The following ZNF638 variants were observed in gnomAD, a reference collection of about 807,000 sequenced individuals.
ZNF638 encodes the protein CTCL tumor antigen se33-1.
In ZNF638, 46 loss-of-function variants were observed where a neutral mutation model predicts 195.6. The observed-to-expected ratio is 0.24, with a 90% CI of 0.19 to 0.30. The LOEUF (loss-of-function observed/expected upper bound fraction) is 0.30. Among genes scored for constraint, ZNF638 ranks in the 10% least tolerant of loss-of-function variants. The pLI is 1.00. For missense variants in ZNF638, 2,440 were observed against 2,325.3 expected (o/e 1.05, Z -1.01); for synonymous variants, 845 against 772.0 (o/e 1.09, Z -1.57).
At chr2:71,365,350 G>A in intron 5 of ZNF638, 79 bp from the exon 6 acceptor site, 1 of 1,176,686 alleles carries the variant, frequency 8.5e-7, no homozygotes, top group East Asian at 2.6e-5. Flanking sequence ...CTTGAGAATA[G>A]CACTATGTGA....
In ZNF638 at chr2:71,399,630, C is replaced by T. The variant is rs147260381; in HGVS notation, c.2572C>T (p.Pro858Ser). The change falls in exon 13 of 28, where the codon CCT becomes TCT. Residue 858 changes from proline to serine, a missense_variant. Around this residue, in one of 5 missense-constraint regions of ZNF638, gnomAD observed 1,883 missense variants for 1,739.1 expected, o/e 1.08. Coordinates refer to ENST00000264447, the MANE Select transcript of ZNF638 (RefSeq NM_014497.5). ...GNVKNKDSNKPVTIPENSEIK... is the reference protein window; with the variant it reads ...GNVKNKDSNKSVTIPENSEIK... ...TGTCAAAAACAAAGACTCTAACAAA[C>T]CTGTGACTATACCAGGTAAGCTTGA... 3.7e-6 allele frequency: 6 copies of T among 1,611,626 alleles called. No homozygotes were observed. In the Admixed American group the frequency reaches 1.0e-4, roughly 27 times the overall value.
chr2:71,377,518 A>G (rs2079453228), intron 8 of ZNF638, among the ~76,000 whole-genome samples: 1 of 152,222 alleles, frequency 6.6e-6, no homozygotes, highest in Non-Finnish European at 1.5e-5. Context: ...ACAAGGAGAT[A>G]AAAGCGAAAA....
intron 3 of ZNF638, chr2:71,361,552 G>T (rs760281906): frequency 6.6e-6 from 1 of 152,156 alleles, no homozygotes; most frequent in Non-Finnish European, 1.5e-5. Flanking sequence ...AAAAAGTGTG[G>T]AAATAGATGA....
rs764977821 is a variant in ZNF638 at position 71,349,924 on chromosome 2, A to G, written c.970A>G (p.Ser324Gly). The change falls in exon 2 of 28, where the codon AGT becomes GGT. Residue 324 changes from serine (S) to glycine (G), a missense_variant. Physicochemically the swap from Ser to Gly is moderately conservative, Grantham distance 56. Transcript: ENST00000264447. Reference sequence around the variant, plus strand: ...TAACCAAACAGTTAGCCAGACAATGAGTCAATCTCTGATTCCTCCATCTAT... The same window carrying G: ...TAACCAAACAGTTAGCCAGACAATGGGTCAATCTCTGATTCCTCCATCTAT... ...SINQTVSQTM[S>G]QSLIPPSMNQ... 2.0e-5 allele frequency: 32 copies of G among 1,614,100 alleles called. No individual in the cohort carries two copies. Among genetic ancestry groups the G allele is most frequent in the Non-Finnish European group, 2.7e-5 (32 of 1,180,046 alleles).
intron 10 of ZNF638, among the ~76,000 whole-genome samples, chr2:71,390,836 A>G (rs1409234826): frequency 2.6e-5 from 4 of 151,986 alleles, no homozygotes; most frequent in South Asian, 4.2e-4. Context: ...CAAGCAGAGC[A>G]CACACCCCCT....
At chr2:71,350,830 G>T (rs2078927354) in intron 2 of ZNF638, among the ~76,000 whole-genome samples, 1 of 152,188 alleles carries the variant, frequency 6.6e-6, no homozygotes, top group Admixed American at 6.5e-5. Flanking sequence ...AAGTCAAGGT[G>T]CAGTAATTAT....
At chr2:71,384,705 T>C (rs887579877) in intron 10 of ZNF638, among the ~76,000 whole-genome samples, 3 of 152,242 alleles carry the variant, frequency 2.0e-5, no homozygotes, top group Non-Finnish European at 2.9e-5. Flanking sequence ...TCTCTTGTTA[T>C]GGCTTTTCTC....
Position 71,368,398 on chromosome 2 carries a change from C to A in ZNF638, c.2012C>A (p.Ser671Ter). The change falls in exon 7 of 28, where the codon TCA becomes TAA. Residue 671 changes from serine to a stop codon, truncating the protein, a stop_gained. Coordinates refer to ENST00000264447, the MANE Select transcript of ZNF638 (RefSeq NM_014497.5). LOFTEE classifies it high-confidence loss of function. ...CAAAAATAGCTTCGGAAAGAACAGT[C>A]ATTGCATTATGGTTCGGTTCTTCTT... Reference protein sequence around the residue: ...SLQRKLRKEQSLHYGSVLLIT... With the variant: ...SLQRKLRKEQ The A allele has an allele frequency of 1.9e-6, 3 of 1,611,540 alleles. No homozygotes were observed. The South Asian group carries it at 3.3e-5, about 18-fold the overall frequency.
rs1410404072 is a variant in ZNF638, at chr2:71,380,406, C to G, written c.2325-107C>G. The G allele has an allele frequency of 2.6e-6, 3 of 1,139,712 alleles. No homozygotes were observed. The East Asian group carries it at 7.6e-5, about 29-fold the overall frequency. The allele number at this position is 1,139,712 out of a possible 1,614,324, so 70.6% of individuals were successfully genotyped here. On this transcript the variant is annotated intron_variant, in intron 9 of 27. Coordinates refer to ENST00000264447, the MANE Select transcript of ZNF638 (RefSeq NM_014497.5). ...ACTATAGTTTAAGAGGGATATCACT[C>G]CAGTTGAATTATTTTAAACGTTTTT...
At position 71,397,489 on chromosome 2, in the gene ZNF638, A is replaced by G. The variant is rs143567861; in HGVS notation, c.2429-1212A>G. On this transcript the variant is annotated intron_variant, in intron 11 of 27. Transcript: ENST00000264447. ...TTTCAGTTGATTTTTTTAGATGTCA[A>G]TGAATGCTTTTTGTATGATTTTTAA... Among the ~76,000 whole-genome samples, 459 of 152,296 alleles carry G rather than the reference A, an allele frequency of 3.0e-3. 2 individuals are homozygous for G. The highest frequency in any genetic ancestry group is 0.011 in the African/African-American group (441 of 41,572).
At chr2:71,334,652 G>C (rs2078631843) in intron 1 of ZNF638, 1 of 152,380 alleles carries the variant, frequency 6.6e-6, no homozygotes, top group Non-Finnish European at 1.5e-5. Context: ...GGCCGGGTGC[G>C]GTGGCTCATG....
At position 71,348,921 on chromosome 2, in the gene ZNF638, T is replaced by C. The variant is rs373047103; in HGVS notation, c.-34T>C. The C allele has an allele frequency of 3.7e-6, 6 of 1,614,044 alleles. No individual in the cohort carries two copies. The highest frequency in any genetic ancestry group is 2.2e-5 in the East Asian group (1 of 44,894). ...CCTCACATGGTTCAACACCACCTTA[T>C]ACTTTATTAAATCAGGCTTTCTTGA... On this transcript the variant is annotated 5_prime_UTR_variant, in exon 2 of 28. Transcript: ENST00000264447.
intron 8 of ZNF638, among the ~76,000 whole-genome samples, chr2:71,376,988 A>G (rs2079440815): frequency 6.6e-6 from 1 of 152,150 alleles, no homozygotes; most frequent in African/African-American, 2.4e-5. Flanking sequence ...TTAAAGTATC[A>G]GGAGCCCAGT....
chr2:71,337,823 A>G (rs1573012644), intron 1 of ZNF638, among the ~76,000 whole-genome samples: 1 of 132,132 alleles, frequency 7.6e-6, no homozygotes, highest in Admixed American at 7.3e-5. Context: ...CAGATGTTGC[A>G]TTTAGTTGTT....
intron 8 of ZNF638, among the ~76,000 whole-genome samples, chr2:71,373,531 A>G (rs1416708959): frequency 8.2e-6 from 1 of 121,342 alleles, no homozygotes; most frequent in African/African-American, 3.3e-5. Context: ...TGCAAGCTCC[A>G]CCTCCCGGGT....
intron 10 of ZNF638, 26 bp from the exon 11 acceptor site, chr2:71,396,115 C>T (rs765019225): frequency 8.1e-6 from 13 of 1,606,140 alleles, no homozygotes; most frequent in South Asian, 4.5e-5. Flanking sequence ...TAATGTAGTA[C>T]TTAAATGTTT....
At chr2:71,377,078 G>T (rs2079443175) in intron 8 of ZNF638, among the ~76,000 whole-genome samples, 1 of 152,124 alleles carries the variant, frequency 6.6e-6, no homozygotes, top group Non-Finnish European at 1.5e-5. Flanking sequence ...TTTGAGACTA[G>T]CCCAGGCAAT....
chr2:71,365,777 T>C (rs187773307), intron 6 of ZNF638, 71 bp downstream of exon 6: 746 of 1,400,758 alleles, frequency 5.3e-4, no homozygotes, highest in Non-Finnish European at 6.5e-4. Context: ...ACTGCAGTGG[T>C]GCAACAAGCA....
Position 71,395,550 on chromosome 2 carries a change from CT to C in ZNF638, c.2378-587del, listed in dbSNP as rs369910492. 279 of 605,226 alleles carry C rather than the reference CT, an allele frequency of 4.6e-4. 2 individuals carry two copies. In the East Asian group the frequency reaches 8.0e-3, roughly 17 times the overall value. The allele number at this position is 605,226 out of a possible 1,614,324, so 37.5% of individuals were successfully genotyped here. ...AATTTATCTAGACGAGTTTTATTTA[CT>C]TTTGCAGACCTTTGATCATCCTATT... On this transcript the variant is annotated intron_variant, in intron 10 of 27. Transcript: ENST00000264447.
Sources: allele counts gnomAD v4.1 joint callset (sites outside exome capture counted in the v4.1 genomes callset), GRCh38; gene constraint gnomAD v4.1.1; regional missense constraint gnomAD v4.1.1; transcripts MANE v1.5; gene names NCBI Gene and HGNC (gene_info 2026-07-23, HGNC 2026-07-21).